Variants in GOLGA6L2 observed in about 807,000 individuals in gnomAD.
GOLGA6L2 encodes golgin A6 family like 2.
GOLGA6L2 carries 30 observed loss-of-function variants against 35.9 expected under a neutral mutation model. The ratio of observed to expected loss-of-function variants is 0.83; its 90% CI spans 0.62 to 1.13. The LOEUF (loss-of-function observed/expected upper bound fraction) is 1.13, where lower values mean the gene tolerates loss of function less well. Ranked by LOEUF, GOLGA6L2 falls within the 50% of genes most tolerant of loss-of-function variation. The pLI is 0.00. For synonymous variants in GOLGA6L2, 297 were observed against 344.0 expected, an observed-to-expected ratio of 0.86 and a Z score of 1.51; for missense variants, 821 against 973.4, an observed-to-expected ratio of 0.84 and a Z score of 2.08.
Position 23,440,480 on chromosome 15 carries a change from T to C in GOLGA6L2, c.1995A>G (p.Gly665=), listed in dbSNP as rs776285436. 7 of 316,428 alleles carry C rather than the reference T, an allele frequency of 2.2e-5. No homozygotes were observed. Among genetic ancestry groups the C allele is most frequent in the Non-Finnish European group, 2.5e-5 (6 of 237,326 alleles). The allele number at this position is 316,428 out of a possible 1,614,324, so 19.6% of individuals were successfully genotyped here. ...CTTCTCTTCCTGCTCCCACATCTTC[T>C]CCTCCTGCTCCCGCATCTTCTCTTC... The part of the protein sequence containing the change: ...GAGREDAGAG[G]EDVGAGREDA... The change falls in exon 8 of 8, where the codon GGA becomes GGG. Residue 665 remains glycine (G), a synonymous_variant. Coordinates refer to ENST00000567107, the MANE Select transcript of GOLGA6L2 (RefSeq NM_001304388.2).
intron 4 of GOLGA6L2, 27 bp from the exon 5 acceptor site, chr15:23,444,100 T>C (rs748296942): frequency 1.9e-6 from 3 of 1,585,686 alleles, no homozygotes; most frequent in Non-Finnish European, 2.6e-6. Flanking sequence ...AAGCAAGTGC[T>C]GAAAGAGAAG....
chr15:23,446,312 T>C (rs1001369281), intron 1 of GOLGA6L2, among the ~76,000 whole-genome samples: 1 of 150,576 alleles, frequency 6.6e-6, no homozygotes, highest in African/African-American at 2.4e-5. Context: ...CAGGGGGAGG[T>C]GTAGGCTTTT....
At chr15:23,443,375 CGT>C (rs975832550) in intron 5 of GOLGA6L2, among the ~76,000 whole-genome samples, 9 of 75,596 alleles carry the variant, frequency 1.2e-4, no homozygotes, top group Admixed American at 5.3e-4. Flanking sequence ...TACCATAATA[CGT>C]ACACACACAC....
At chr15:23,446,518 A>G (rs905180201) in intron 1 of GOLGA6L2, among the ~76,000 whole-genome samples, 6 of 152,178 alleles carry the variant, frequency 3.9e-5, no homozygotes, top group African/African-American at 1.4e-4. Flanking sequence ...TCCTAGAGGG[A>G]CTGTGACACC....
In GOLGA6L2 at chr15:23,441,133, C is replaced by A; in HGVS notation, c.1342G>T (p.Glu448Ter). ...KTRDQEEKMQ[E>*]EERIREREKK... ...TCCCGCTCCCGTATCCTCTCCTCCT[C>A]TTGCATCTTCTCCTCCTGGTCCCGC... is the stretch of plus-strand genomic sequence containing the variant. Residue 448 changes from glutamate to a stop codon, truncating the protein, a stop_gained, in exon 8 of 8, where the codon GAG becomes TAG. Transcript: ENST00000567107. LOFTEE classifies it low-confidence loss of function (END_TRUNC). 6.6e-7 allele frequency: 1 copy of A among 1,507,418 alleles called. No homozygotes were observed. 93.4% of individuals were successfully genotyped at this position (1,507,418 alleles called of 1,614,324 possible). A position where few individuals can be genotyped will look rare whatever the true frequency, so the allele number is the denominator to read the frequency against.
At position 23,440,996 on chromosome 15, in the gene GOLGA6L2, C is replaced by G. The variant is rs190888297; in HGVS notation, c.1479G>C (p.Leu493=). 3 of 1,472,714 alleles carry G rather than the reference C, an allele frequency of 2.0e-6. No individual in the cohort carries two copies. The Admixed American group carries it at 6.7e-5, about 33-fold the overall frequency. 91.2% of individuals were successfully genotyped at this position (1,472,714 alleles called of 1,614,324 possible). A position where few individuals can be genotyped will look rare whatever the true frequency, so the allele number is the denominator to read the frequency against. ...CCCACAGCTTCTCCTTCTGTTCCGG[C>G]AGCCTCTGCTGCTGCCACTCCTTCT... is the stretch of plus-strand genomic sequence containing the variant. ...QEEKEWQQQR[L]PEQKEKLWEQ... Residue 493 remains leucine, a synonymous_variant, in exon 8 of 8, where the codon CTG becomes CTC. Transcript: ENST00000567107.
Position 23,439,871 on chromosome 15 carries a change from C to A in GOLGA6L2, c.2604G>T (p.Gly868=). 6.8e-7 allele frequency: 1 copy of A among 1,468,378 alleles called. No individual in the cohort carries two copies. The highest frequency in any genetic ancestry group is 9.0e-7 in the Non-Finnish European group (1 of 1,107,990). The allele number at this position is 1,468,378 out of a possible 1,614,324, so 91.0% of individuals were successfully genotyped here. ...CTCCTTCTCTCGCATCTCCTCCTGC[C>A]CCCACATCTTCTCCTCCTGCCCCCA... is the stretch of plus-strand genomic sequence containing the variant. ...EDVGAGGEDV[G]AGGDAREGGE... The change falls in exon 8 of 8, where the codon GGG becomes GGT. Residue 868 remains glycine (G), a synonymous_variant. Transcript: ENST00000567107.
Position 23,440,076 on chromosome 15 carries a change from C to A in GOLGA6L2, c.2399G>T (p.Gly800Val). The A allele has an allele frequency of 1.0e-6, 1 of 959,938 alleles. No homozygotes were observed. Among genetic ancestry groups the A allele is most frequent in the Non-Finnish European group, 1.5e-6 (1 of 650,974 alleles). 59.5% of individuals were successfully genotyped at this position (959,938 alleles called of 1,614,324 possible). The change falls in exon 8 of 8, where the codon GGA (glycine) becomes GTA (valine). Residue 800 changes from glycine (G) to valine (V), a missense_variant. Gly to Val is a moderately radical substitution (Grantham distance 109, BLOSUM62 -3). This residue lies in a region of GOLGA6L2 where 99 missense variants were observed against 199.9 expected (regional missense o/e 0.50). Transcript: ENST00000567107. ...TCCTCCTGCTCCCGCATCTTCTCCTCCTGCTCCCACATCTTCTCCTCCTGC... is the reference window on the plus strand; with the variant it reads ...TCCTCCTGCTCCCGCATCTTCTCCTACTGCTCCCACATCTTCTCCTCCTGC... Reference protein sequence around the residue: ...AGAGGEDVGAGGEDAGAGGED... With the variant: ...AGAGGEDVGAVGEDAGAGGED...
rs375115029 is a variant in GOLGA6L2, at chr15:23,441,463, G to A, written c.1012C>T (p.Arg338Trp). ...KELREQEKEL[R>W]EQKKLREQEE... ...TGCTCCCGCAGCTTCTTCTGCTCCC[G>A]CAGCTCCTTCTCCTGCTCCCGCAGC... Residue 338 changes from arginine (R) to tryptophan (W), a missense_variant, in exon 8 of 8, where the codon CGG (arginine) becomes TGG (tryptophan). This residue lies in a region of GOLGA6L2 where 614 missense variants were observed against 632.3 expected (regional missense o/e 0.97). Transcript: ENST00000567107. The A allele has an allele frequency of 2.8e-4, 387 of 1,400,082 alleles. 1 individual carries two copies. In the African/African-American group the frequency reaches 4.6e-3, roughly 17 times the overall value. The allele number at this position is 1,400,082 out of a possible 1,614,324, so 86.7% of individuals were successfully genotyped here.
At position 23,441,395 on chromosome 15, in the gene GOLGA6L2, C is replaced by G; in HGVS notation, c.1080G>C (p.Gln360His). 2 of 1,535,864 alleles carry G rather than the reference C, an allele frequency of 1.3e-6. No homozygotes were observed. The highest frequency in any genetic ancestry group is 1.8e-6 in the Non-Finnish European group (2 of 1,141,972). ...CTTCCTGCTCCCGCATCTTCTCCTC[C>G]TGCTCCCACATCTTCTCCTCCTGCT... ...MQEQEEKMWE[Q>H]EEKMREQEEK... is the part of the protein sequence containing the mutation. The change falls in exon 8 of 8, where the codon CAG becomes CAC. Residue 360 changes from glutamine to histidine, a missense_variant. Physicochemically the swap from Gln to His is conservative, Grantham distance 24. Transcript: ENST00000567107.
intron 2 of GOLGA6L2, 69 bp from the exon 3 acceptor site, chr15:23,444,569 G>A (rs1275338666): frequency 4.8e-5 from 68 of 1,408,188 alleles, no homozygotes; most frequent in Middle Eastern, 2.2e-4. Flanking sequence ...GCCAGGAAGC[G>A]GTACGCAGGG....
intron 1 of GOLGA6L2, 33 bp downstream of exon 1, chr15:23,447,065 G>A (rs754523667): frequency 1.9e-5 from 22 of 1,129,008 alleles, no homozygotes; most frequent in Non-Finnish European, 2.7e-5. Flanking sequence ...GGGCTGGGTT[G>A]GGGTTGGGGT....
At position 23,443,913 on chromosome 15, in the gene GOLGA6L2, A is replaced by G; in HGVS notation, c.455T>C (p.Leu152Ser). The G allele has an allele frequency of 6.5e-7, 1 of 1,547,990 alleles. No homozygotes were observed. Among genetic ancestry groups the G allele is most frequent in the Non-Finnish European group, 8.7e-7 (1 of 1,153,228 alleles). The change falls in exon 5 of 8, where the codon TTG (leucine) becomes TCG (serine). Residue 152 changes from leucine (L) to serine (S), a missense_variant. Physicochemically the swap from Leu to Ser is moderately radical, Grantham distance 145. Coordinates refer to ENST00000567107, the MANE Select transcript of GOLGA6L2 (RefSeq NM_001304388.2). ...AATGAGAGAGGTTGAGACACAGCCCAAAGGACTCCCCCTAAAGGCCTGTGA... is the reference window on the plus strand; with the variant it reads ...AATGAGAGAGGTTGAGACACAGCCCGAAGGACTCCCCCTAAAGGCCTGTGA... ...ALSQAFRGSP[L>S]GCVSTSLIPG... is the part of the protein sequence containing the mutation.
intron 5 of GOLGA6L2, 102 bp from the exon 6 acceptor site, chr15:23,442,610 C>A: frequency 9.3e-7 from 1 of 1,075,834 alleles, no homozygotes; most frequent in Non-Finnish European, 1.4e-6. Flanking sequence ...CACTCCCTCA[C>A]TCTCCATCAC....
In GOLGA6L2 at chr15:23,440,388, C is replaced by A; in HGVS notation, c.2087G>T (p.Cys696Phe). The part of the protein sequence containing the change: ...GEDVGAGRRR[C>F]GSSRGCRNRR... The stretch of plus-strand genomic sequence containing the variant: ...GTTCCGGCAGCCTCTGCTGCTCCCA[C>A]ATCTTCTTCTTCCTGCTCCCACATC... The change falls in exon 8 of 8, where the codon TGT becomes TTT. Residue 696 changes from cysteine (C) to phenylalanine (F), a missense_variant. By Grantham distance (205) the Cys-to-Phe change is radical. Around this residue, in one of 7 missense-constraint regions of GOLGA6L2, gnomAD observed 99 missense variants for 199.9 expected, o/e 0.50. Transcript: ENST00000567107. 8.7e-7 allele frequency: 1 copy of A among 1,144,764 alleles called. No individual in the cohort carries two copies. Among genetic ancestry groups the A allele is most frequent in the Non-Finnish European group, 1.2e-6 (1 of 855,620 alleles). The allele number at this position is 1,144,764 out of a possible 1,614,324, so 70.9% of individuals were successfully genotyped here.
chr15:23,447,177 C>A lies in GOLGA6L2; in HGVS notation c.5G>T (p.Trp2Leu). The A allele has an allele frequency of 6.4e-7, 1 of 1,566,802 alleles. No individual in the cohort carries two copies. The highest frequency in any genetic ancestry group is 8.8e-7 in the Non-Finnish European group (1 of 1,140,310). The change falls in exon 1 of 8, where the codon TGG (tryptophan) becomes TTG (leucine). Residue 2 changes from tryptophan (W) to leucine (L), a missense_variant. Physicochemically the swap from Trp to Leu is moderately conservative, Grantham distance 61 (BLOSUM62 -2). Around this residue, in one of 7 missense-constraint regions of GOLGA6L2, gnomAD observed 48 missense variants for 31.7 expected, o/e 1.51. Coordinates refer to ENST00000567107, the MANE Select transcript of GOLGA6L2 (RefSeq NM_001304388.2). M[W>L]PQPHLPPHPM... ...GTGGGGAGGGAGGTGGGGTTGGGGC[C>A]ACATCAGCGTGATTCAGACGAGGAC... is the stretch of plus-strand genomic sequence containing the variant.
chr15:23,443,867 G>A lies in GOLGA6L2; in HGVS notation c.501C>T (p.Leu167=), dbSNP rs774221672. The change falls in exon 5 of 8, where the codon CTC becomes CTT. Residue 167 remains leucine, a synonymous_variant. Transcript: ENST00000567107. ...GCCAGGAATGATGCAAGCGGCCGGC[G>A]AGATCCTTGGACTCTCCTGGAATGA... is the stretch of plus-strand genomic sequence containing the variant. The part of the protein sequence containing the change: ...TSLIPGESKD[L]AGRLHHSWHF... 13 of 1,541,394 alleles carry A rather than the reference G, an allele frequency of 8.4e-6. No individual in the cohort carries two copies. Among genetic ancestry groups the A allele is most frequent in the Admixed American group, 5.8e-5 (3 of 51,424 alleles).
intron 5 of GOLGA6L2, among the ~76,000 whole-genome samples, chr15:23,443,054 T>C (rs1276853707): frequency 6.6e-6 from 1 of 152,210 alleles, no homozygotes; most frequent in Non-Finnish European, 1.5e-5. Context: ...TAGGAGACGG[T>C]TACCATTATT....
rs1217727139 is a variant in GOLGA6L2 at position 23,444,191 on chromosome 15, GT to G, written c.264del (p.Gln88HisfsTer6). On this transcript the variant is annotated frameshift_variant, in exon 4 of 8. Transcript: ENST00000567107. LOFTEE classifies it high-confidence loss of function. The part of the protein sequence containing the change: ...QLKEEKKASH[Q>X]HQEALRREIE... Reference sequence around the variant, plus strand: ...ATCTCCCGCCTTAGGGCTTCCTGATGTTGGTGGCTTGCCTTCTTTTCCTATA... The same window carrying G: ...ATCTCCCGCCTTAGGGCTTCCTGATGTGGTGGCTTGCCTTCTTTTCCTATA... 6.2e-7 allele frequency: 1 copy of G among 1,604,742 alleles called. No individual in the cohort carries two copies. The highest frequency in any genetic ancestry group is 8.5e-7 in the Non-Finnish European group (1 of 1,179,190).
Sources: allele counts gnomAD v4.1 joint callset (sites outside exome capture counted in the v4.1 genomes callset), GRCh38; gene constraint gnomAD v4.1.1; regional missense constraint gnomAD v4.1.1; transcripts MANE v1.5; gene names NCBI Gene and HGNC (gene_info 2026-07-23, HGNC 2026-07-21).